SEC31A: variants seen among roughly 807,000 people sequenced by gnomAD.
The protein encoded by SEC31A is protein transport protein Sec31A.
Under a neutral mutation model 151.0 loss-of-function variants are expected in SEC31A, and 70 were observed. That is an observed-to-expected ratio of 0.46 (90% CI 0.38 to 0.57). The LOEUF is 0.57. SEC31A is among the 20% of genes least tolerant of loss of function. SEC31A has a pLI of 0.00. For missense variants in SEC31A, 1,330 were observed against 1,471.2 expected, an observed-to-expected ratio of 0.90 and a Z score of 1.57; for synonymous variants, 475 against 505.9, an observed-to-expected ratio of 0.94 and a Z score of 0.82.
At chr4:82,847,534 C>G (rs1173161973) in intron 20 of SEC31A, among the ~76,000 whole-genome samples, 2 of 152,158 alleles carry the variant, frequency 1.3e-5, no homozygotes, top group African/African-American at 2.4e-5. Flanking sequence ...GCTTCAGTAC[C>G]TGACAGGTAG....
Position 82,859,950 on chromosome 4 carries a change from G to A in SEC31A, c.1626+1681C>T, listed in dbSNP as rs984214392. 2.0e-5 allele frequency among the ~76,000 whole-genome samples: 3 copies of A among 151,866 alleles called. No individual in the cohort carries two copies. In the South Asian group the frequency reaches 6.2e-4, roughly 32 times the overall value. On this transcript the variant is annotated intron_variant, in intron 14 of 26. Transcript: ENST00000395310. Reference sequence around the variant, plus strand: ...GGGACTACAGGCGCCCCACCACAACGCCTGGCTAAATTTTTGTATTTTCAG... The same window carrying A: ...GGGACTACAGGCGCCCCACCACAACACCTGGCTAAATTTTTGTATTTTCAG...
At chr4:82,855,089 TCTGA>T (rs1395148188) in intron 16 of SEC31A, 60 bp from the exon 17 acceptor site, 61 of 1,392,622 alleles carry the variant, frequency 4.4e-5, no homozygotes, top group Non-Finnish European at 1.2e-5. Context: ...AAAAATTAAT[TCTGA>T]CTAATTAATT....
In SEC31A at chr4:82,867,148, C is replaced by T. The variant is rs773970069; in HGVS notation, c.1044+7G>A. The T allele has an allele frequency of 1.9e-6, 3 of 1,611,390 alleles. No homozygotes were observed. The highest frequency in any genetic ancestry group is 1.7e-6 in the Non-Finnish European group (2 of 1,177,886). ...TTATAATAGAAAACTTTAACACTTC[C>T]TATTACCTTGTCAACTTGTTTCTGT... On this transcript the variant is annotated splice_region_variant and intron_variant, in intron 9 of 26. Transcript: ENST00000395310.
At chr4:82,841,042 TATTTTA>T (rs1437418264) in intron 22 of SEC31A, among the ~76,000 whole-genome samples, 6 of 152,368 alleles carry the variant, frequency 3.9e-5, no homozygotes, top group African/African-American at 9.6e-5. Flanking sequence ...AACTTTTAAA[TATTTTA>T]ATTTTGACTC....
chr4:82,870,559 G>T, intron 7 of SEC31A, 135 bp from the exon 8 acceptor site: 1 of 683,934 alleles, frequency 1.5e-6, no homozygotes, highest in Non-Finnish European at 2.4e-6. Context: ...AGCGCCGGGC[G>T]CATTGGCTCA....
At chr4:82,838,354 C>T (rs1727916437) in intron 22 of SEC31A, among the ~76,000 whole-genome samples, 1 of 152,144 alleles carries the variant, frequency 6.6e-6, no homozygotes, top group Admixed American at 6.5e-5. Flanking sequence ...AAGTGACAGG[C>T]AGTTATCCTA....
At chr4:82,841,983 C>A (rs534970220) in intron 22 of SEC31A, among the ~76,000 whole-genome samples, 157 bp downstream of exon 22, 52 of 150,960 alleles carry the variant, frequency 3.4e-4, no homozygotes, top group African/African-American at 1.1e-3. Context: ...AAAAAAAAAA[C>A]CAAACAAACA....
At chr4:82,857,638 T>G in intron 15 of SEC31A, 51 bp downstream of exon 15, 1 of 1,173,264 alleles carries the variant, frequency 8.5e-7, no homozygotes, top group Non-Finnish European at 1.3e-6. Flanking sequence ...AGGAACTATT[T>G]GTTTTCCAAT....
intron 1 of SEC31A, among the ~76,000 whole-genome samples, chr4:82,886,584 T>C (rs996148679): frequency 3.3e-5 from 5 of 152,160 alleles, no homozygotes; most frequent in African/African-American, 1.2e-4. Context: ...TTCTAAGATA[T>C]AAAAAAGGCA....
intron 4 of SEC31A, among the ~76,000 whole-genome samples, chr4:82,878,514 AAAACAAAAACCT>A (rs1738524937): frequency 2.0e-5 from 3 of 152,166 alleles, no homozygotes; most frequent in South Asian, 4.2e-4. Context: ...AACAAAAACA[AAAACAAAAACCT>A]ATCAGCCGGA....
intron 26 of SEC31A, 107 bp downstream of exon 26, chr4:82,820,930 G>T: frequency 6.0e-6 from 5 of 836,262 alleles, no homozygotes; most frequent in South Asian, 4.4e-5. Context: ...TAAATGTCAT[G>T]ACAATTTTGC....
chr4:82,845,341 C>T (rs917919792), intron 20 of SEC31A: 32 of 1,134,146 alleles, frequency 2.8e-5, no homozygotes, highest in African/African-American at 3.2e-5. Context: ...AAAATGAAAA[C>T]GTTAAAAGAA....
chr4:82,835,662 G>T (rs1727040429), intron 22 of SEC31A, among the ~76,000 whole-genome samples: 1 of 152,136 alleles, frequency 6.6e-6, no homozygotes, highest in Admixed American at 6.5e-5. Context: ...GGACGTGGTG[G>T]CACACACATG....
chr4:82,869,005 G>A (rs1736034782), intron 8 of SEC31A, among the ~76,000 whole-genome samples: 1 of 152,116 alleles, frequency 6.6e-6, no homozygotes, highest in Non-Finnish European at 1.5e-5. Flanking sequence ...AATTGAAAAG[G>A]TATTTAGCCT....
intron 1 of SEC31A, among the ~76,000 whole-genome samples, chr4:82,885,833 A>G (rs1740580292): frequency 6.6e-6 from 1 of 152,164 alleles, no homozygotes; most frequent in Admixed American, 6.6e-5. Context: ...CCTGCAGTTA[A>G]AATGCATACT....
At chr4:82,888,649 A>C (rs1167546949) in intron 1 of SEC31A, among the ~76,000 whole-genome samples, 1 of 151,914 alleles carries the variant, frequency 6.6e-6, no homozygotes, top group Non-Finnish European at 1.5e-5. Context: ...AGATCGCGCC[A>C]ATGTACTCCA....
intron 1 of SEC31A, among the ~76,000 whole-genome samples, chr4:82,889,986 G>T (rs1013260283): frequency 1.3e-5 from 2 of 152,122 alleles, no homozygotes; most frequent in Middle Eastern, 3.4e-3. Context: ...CCAGCACTTC[G>T]GGAGGCCAAC....
At chr4:82,827,011 A>G (rs1366734607) in intron 24 of SEC31A, among the ~76,000 whole-genome samples, 1 of 152,256 alleles carries the variant, frequency 6.6e-6, no homozygotes, top group Non-Finnish European at 1.5e-5. Flanking sequence ...ATAAAAATAT[A>G]TAACTCACTA....
chr4:82,851,604 C>G lies in SEC31A; in HGVS notation c.2155G>C (p.Asp719His). The G allele has an allele frequency of 6.2e-7, 1 of 1,600,064 alleles. No individual in the cohort carries two copies. The highest frequency in any genetic ancestry group is 1.1e-5 in the South Asian group (1 of 89,152). Residue 719 changes from aspartate to histidine, a missense_variant and splice_region_variant, in exon 19 of 27, where the codon GAT (aspartate) becomes CAT (histidine). By Grantham distance (81) the Asp-to-His change is moderately conservative (BLOSUM62 -1). Coordinates refer to ENST00000395310, the MANE Select transcript of SEC31A (RefSeq NM_001077207.4). ...QDGSHPLSLQ[D>H]LIEKVVILRK... ...AGGATGACAACTTTCTCAATCAGAT[C>G]CTAAATGAAAAAAATGAGTAACAAA...
Sources: gnomAD v4.1 joint callset for allele counts (sites outside exome capture counted in the v4.1 genomes callset) on GRCh38, gnomAD v4.1.1 for gene constraint, MANE v1.5 for transcripts, NCBI Gene and HGNC (gene_info 2026-07-23, HGNC 2026-07-21) for gene names.